Variants in FMN2 observed in about 807,000 individuals in gnomAD.
FMN2 encodes formin 2.
A neutral mutation model predicts 142.3 loss-of-function variants in FMN2; 51 were observed. That is an observed-to-expected ratio of 0.36 (90% CI 0.29 to 0.45). FMN2 has a LOEUF of 0.45. Ranked by LOEUF, FMN2 falls within the 20% of genes least tolerant of loss-of-function variation. The pLI is 1.00. For synonymous variants in FMN2, 882 were observed against 869.8 expected (o/e 1.01, Z -0.25); for missense variants, 1,936 against 2,122.8 (o/e 0.91, Z 1.73).
chr1:240,249,285 G>A (rs1342361547), intron 6 of FMN2, among the ~76,000 whole-genome samples: 1 of 152,032 alleles, frequency 6.6e-6, no homozygotes, highest in Non-Finnish European at 1.5e-5. Flanking sequence ...TATGGTGAGA[G>A]ATAAGGGTCA....
At chr1:240,331,471 A>T (rs1671377228) in intron 11 of FMN2, among the ~76,000 whole-genome samples, 1 of 152,186 alleles carries the variant, frequency 6.6e-6, no homozygotes, top group Admixed American at 6.5e-5. Context: ...TGATAAAAAA[A>T]TCATCACACA....
intron 6 of FMN2, among the ~76,000 whole-genome samples, chr1:240,256,733 AGAGT>A (rs1249006649): frequency 2.6e-5 from 4 of 152,102 alleles, no homozygotes; most frequent in Admixed American, 6.5e-5. Flanking sequence ...CCTGGGTGAC[AGAGT>A]GAGACTCCAT....
intron 16 of FMN2, 135 bp downstream of exon 16, chr1:240,438,345 T>C (rs1675475960): frequency 7.5e-6 from 7 of 930,292 alleles, no homozygotes; most frequent in East Asian, 5.1e-5. Flanking sequence ...TTGAAGAGGA[T>C]GCTGACATTT....
Position 240,290,780 on chromosome 1 carries a change from G to GTTTTTTGTTTT in FMN2, c.4154-4036_4154-4035insGTTTTTTTTTT, listed in dbSNP as rs1333094360. Among the ~76,000 whole-genome samples the GTTTTTTGTTTT allele has an allele frequency of 3.5e-4, 35 of 100,206 alleles. 1 individual carries two copies. The highest frequency in any genetic ancestry group is 5.0e-4 in the Non-Finnish European group (27 of 53,558). 65.7% of individuals were successfully genotyped at this position (100,206 alleles called of 152,430 possible). The stretch of plus-strand genomic sequence containing the variant: ...GTCTGGAGTGATGTCTGTTTGTTTG[G>GTTTTTTGTTTT]TTTTTTTTTTTTGTTTTTTTTTTTT... On this transcript the variant is annotated intron_variant, in intron 7 of 17. Coordinates refer to ENST00000319653, the MANE Select transcript of FMN2 (RefSeq NM_020066.5).
chr1:240,341,560 G>A (rs949854555), intron 13 of FMN2: 2 of 152,090 alleles, frequency 1.3e-5, no homozygotes, highest in South Asian at 2.1e-4. Flanking sequence ...ACACAGCCAC[G>A]CCCAATCATA....
intron 7 of FMN2, among the ~76,000 whole-genome samples, chr1:240,268,422 C>T (rs2102915396): frequency 6.6e-6 from 1 of 152,180 alleles, no homozygotes; most frequent in Non-Finnish European, 1.5e-5. Flanking sequence ...AGGAGGACAA[C>T]TTGTTTTGGA....
chr1:240,405,860 T>C (rs1674134706), intron 15 of FMN2, among the ~76,000 whole-genome samples: 1 of 152,170 alleles, frequency 6.6e-6, no homozygotes, highest in Non-Finnish European at 1.5e-5. Context: ...CTTTAGAAGA[T>C]TGTCATTAGA....
intron 16 of FMN2, among the ~76,000 whole-genome samples, chr1:240,443,647 G>A (rs1395957464): frequency 1.3e-5 from 2 of 152,160 alleles, no homozygotes; most frequent in African/African-American, 4.8e-5. Context: ...CAGCTACTCT[G>A]GAGGCTGAGG....
intron 6 of FMN2, chr1:240,245,441 T>A: frequency 2.2e-6 from 1 of 459,088 alleles, no homozygotes; most frequent in South Asian, 1.6e-5. Flanking sequence ...TGGAACTTGA[T>A]GTGTGGCTGG....
At chr1:240,413,648 T>C (rs1197886295) in intron 15 of FMN2, among the ~76,000 whole-genome samples, 1 of 152,194 alleles carries the variant, frequency 6.6e-6, no homozygotes, top group Non-Finnish European at 1.5e-5. Flanking sequence ...CCAGAGAACA[T>C]AGAAACTCAG....
intron 10 of FMN2, among the ~76,000 whole-genome samples, chr1:240,330,239 T>G (rs1239735283): frequency 6.6e-6 from 1 of 152,220 alleles, no homozygotes; most frequent in Non-Finnish European, 1.5e-5. Flanking sequence ...ATGGCAGTGA[T>G]ATTAGTGATG....
chr1:240,118,790 A>G (rs1161542108), intron 1 of FMN2, among the ~76,000 whole-genome samples: 1 of 152,112 alleles, frequency 6.6e-6, no homozygotes, highest in Non-Finnish European at 1.5e-5. Context: ...ACTAAGAATG[A>G]TAGGAGCAGA....
Position 240,275,360 on chromosome 1 carries a change from G to T in FMN2, c.4153+17328G>T, listed in dbSNP as rs574054983. On this transcript the variant is annotated intron_variant, in intron 7 of 17. Transcript: ENST00000319653. ...TGGTGCTTGGTTTTCTGTTCCTGTG[G>T]TAGTTTGCTGAGAATGATGGTTTCC... is the stretch of plus-strand genomic sequence containing the variant. Among the ~76,000 whole-genome samples, 1,238 of 151,998 alleles carry T rather than the reference G, an allele frequency of 8.1e-3. 22 individuals carry two copies. The highest frequency in any genetic ancestry group is 0.029 in the African/African-American group (1,186 of 41,442).
intron 2 of FMN2, among the ~76,000 whole-genome samples, chr1:240,124,617 T>C (rs1443215221): frequency 6.6e-6 from 1 of 152,120 alleles, no homozygotes; most frequent in Non-Finnish European, 1.5e-5. Flanking sequence ...CATAACAAAA[T>C]TGAAGGTTGG....
rs141241433 is a variant in FMN2, at chr1:240,147,613, C to T, written c.1782+24268C>T. 1.9e-3 allele frequency among the ~76,000 whole-genome samples: 287 copies of T among 152,250 alleles called. 1 individual carries two copies. The highest frequency in any genetic ancestry group is 6.6e-3 in the African/African-American group (274 of 41,540). ...ACTCAAGTGATCCTCCCACCTGGGC[C>T]CCCCAAAGTGCTAGGAATACAGGTG... On this transcript the variant is annotated intron_variant, in intron 2 of 17. Coordinates refer to ENST00000319653, the MANE Select transcript of FMN2 (RefSeq NM_020066.5).
chr1:240,197,076 A>G (rs1328941590), intron 4 of FMN2, among the ~76,000 whole-genome samples: 1 of 152,134 alleles, frequency 6.6e-6, no homozygotes, highest in East Asian at 1.9e-4. Context: ...CAGAAAGACC[A>G]AAGCATAGTA....
At chr1:240,182,436 T>G (rs145886907) in intron 3 of FMN2, among the ~76,000 whole-genome samples, 1 of 152,238 alleles carries the variant, frequency 6.6e-6, no homozygotes, top group African/African-American at 2.4e-5. Context: ...GGTAGAAATA[T>G]GGTAGCTGAC....
chr1:240,116,875 G>A (rs890700733), intron 1 of FMN2, among the ~76,000 whole-genome samples: 3 of 152,180 alleles, frequency 2.0e-5, no homozygotes, highest in African/African-American at 2.4e-5. Context: ...GGTAGCAAAC[G>A]TAGTTAATTC....
chr1:240,111,483 T>A (rs1320986705), intron 1 of FMN2, among the ~76,000 whole-genome samples: 2 of 152,168 alleles, frequency 1.3e-5, no homozygotes, highest in Non-Finnish European at 1.5e-5. Context: ...TATCCATGCC[T>A]CCCCTTCTTT....
Sources: gnomAD v4.1 joint callset for allele counts (sites outside exome capture counted in the v4.1 genomes callset) on GRCh38, gnomAD v4.1.1 for gene constraint, MANE v1.5 for transcripts, NCBI Gene and HGNC (gene_info 2026-07-23, HGNC 2026-07-21) for gene names.